Variants in FMNL3 observed in about 807,000 individuals in gnomAD.
FMNL3 encodes formin like 3.
FMNL3 carries 57 observed loss-of-function variants against 119.6 expected under a neutral mutation model. The ratio of observed to expected loss-of-function variants is 0.48; its 90% CI spans 0.39 to 0.59. The LOEUF (loss-of-function observed/expected upper bound fraction) is 0.59. Ranked by LOEUF, FMNL3 falls within the 20% of genes least tolerant of loss-of-function variation. The probability of loss-of-function intolerance (pLI) is 0.00; values close to 1 mark genes in which losing one functional copy is unlikely to be tolerated. For synonymous variants in FMNL3, 491 were observed against 507.3 expected (o/e 0.97, Z 0.43); for missense variants, 1,053 against 1,323.5 (o/e 0.80, Z 3.17).
chr12:49,695,253 C>T (rs1354042959), intron 1 of FMNL3, among the ~76,000 whole-genome samples: 1 of 152,268 alleles, frequency 6.6e-6, no homozygotes, highest in East Asian at 1.9e-4. Flanking sequence ...TCCCCTAACC[C>T]TGAATCCCAG....
Position 49,637,741 on chromosome 12 carries a change from C to T in FMNL3, c.*8074G>A, listed in dbSNP as rs1592602850. ...TCCCTCCCTCCTTACAGGCTCCACC[C>T]CTCTGGACTTATTCAAGTTCTATGT... On this transcript the variant is annotated 3_prime_UTR_variant, in exon 26 of 26. Transcript: ENST00000335154. The T allele has an allele frequency of 2.3e-5, 37 of 1,608,540 alleles. No individual in the cohort carries two copies. In the East Asian group the frequency reaches 8.0e-4, roughly 35 times the overall value.
intron 25 of FMNL3, chr12:49,646,590 G>A: frequency 7.2e-7 from 1 of 1,388,760 alleles, no homozygotes; most frequent in Non-Finnish European, 9.6e-7. Context: ...CTCCCAGCAG[G>A]AATCCTGGGA....
At position 49,707,229 on chromosome 12, in the gene FMNL3, G is replaced by C; in HGVS notation, c.-49C>G. 7.0e-7 allele frequency: 1 copy of C among 1,436,344 alleles called. No individual in the cohort carries two copies. Among genetic ancestry groups the C allele is most frequent in the South Asian group, 1.5e-5 (1 of 68,528 alleles). 89.0% of individuals were successfully genotyped at this position (1,436,344 alleles called of 1,614,324 possible). A position where few individuals can be genotyped will look rare whatever the true frequency, so the allele number is the denominator to read the frequency against. On this transcript the variant is annotated 5_prime_UTR_variant, in exon 1 of 26. Coordinates refer to ENST00000335154, the MANE Select transcript of FMNL3 (RefSeq NM_175736.5). ...CTCGGCCCCCCACCTCCACGCTCCG[G>C]AGCTTTCGGCTCCGCGGCTCCGACC...
chr12:49,665,691 G>T, intron 4 of FMNL3, 141 bp downstream of exon 4: 1 of 827,536 alleles, frequency 1.2e-6, no homozygotes, highest in Non-Finnish European at 2.0e-6. Context: ...GCTCTGGGGA[G>T]CCAGAAGCCA....
chr12:49,699,311 C>T (rs1944839873), intron 1 of FMNL3, among the ~76,000 whole-genome samples: 1 of 152,224 alleles, frequency 6.6e-6, no homozygotes, highest in Admixed American at 6.5e-5. Context: ...CCAGCCTCCC[C>T]AAGCAACCTC....
intron 1 of FMNL3, among the ~76,000 whole-genome samples, chr12:49,697,242 G>A (rs552360099): frequency 6.6e-6 from 1 of 152,324 alleles, no homozygotes; most frequent in South Asian, 2.1e-4. Context: ...CCACAGTACA[G>A]AGGAATCAGG....
At chr12:49,663,171 CCTGT>C (rs1242104203) in intron 4 of FMNL3, among the ~76,000 whole-genome samples, 2 of 152,214 alleles carry the variant, frequency 1.3e-5, no homozygotes, top group African/African-American at 2.4e-5. Context: ...CCTCCCGTTT[CCTGT>C]CTGTCTGCTC....
chr12:49,670,251 G>T (rs369437694), intron 1 of FMNL3, among the ~76,000 whole-genome samples: 198 of 152,344 alleles, frequency 1.3e-3, no homozygotes, highest in South Asian at 0.011. Flanking sequence ...AATCCTAGAA[G>T]GAGGTCCTCT....
intron 1 of FMNL3, among the ~76,000 whole-genome samples, chr12:49,671,785 T>G (rs1311434961): frequency 6.6e-6 from 1 of 152,196 alleles, no homozygotes; most frequent in African/African-American, 2.4e-5. Flanking sequence ...ACAGACACTG[T>G]AGGCTCCCAG....
chr12:49,695,456 A>T (rs982504739), intron 1 of FMNL3, among the ~76,000 whole-genome samples: 1 of 152,238 alleles, frequency 6.6e-6, no homozygotes, highest in Non-Finnish European at 1.5e-5. Context: ...ATTTAAGCTG[A>T]GACCATCCCC....
Position 49,643,619 on chromosome 12 carries a change from G to A in FMNL3, c.*2196C>T. 1 of 1,513,226 alleles carries A rather than the reference G, an allele frequency of 6.6e-7. No individual in the cohort carries two copies. Among genetic ancestry groups the A allele is most frequent in the East Asian group, 2.3e-5 (1 of 44,170 alleles). 93.7% of individuals were successfully genotyped at this position (1,513,226 alleles called of 1,614,324 possible). ...GGTTCCTGCCTGTGAAGAATGAACA[G>A]AGGGGCTAGAACAAAGAAAAAGAGC... On this transcript the variant is annotated 3_prime_UTR_variant, in exon 26 of 26. Coordinates refer to ENST00000335154, the MANE Select transcript of FMNL3 (RefSeq NM_175736.5).
At chr12:49,695,687 T>C (rs926249406) in intron 1 of FMNL3, among the ~76,000 whole-genome samples, 16 of 152,214 alleles carry the variant, frequency 1.1e-4, no homozygotes, top group African/African-American at 3.6e-4. Flanking sequence ...AAGGATGAGA[T>C]GAGGGACTCT....
chr12:49,694,578 A>G (rs1326555413), intron 1 of FMNL3, among the ~76,000 whole-genome samples: 1 of 152,200 alleles, frequency 6.6e-6, no homozygotes, highest in East Asian at 1.9e-4. Context: ...GACCACGGAC[A>G]TAGTCAGTCT....
At chr12:49,653,407 G>T (rs558410376) in intron 12 of FMNL3, 80 bp from the exon 13 acceptor site, 1 of 1,420,394 alleles carries the variant, frequency 7.0e-7, no homozygotes, top group South Asian at 1.1e-5. Context: ...GTCAAGACCT[G>T]AGTCGGACCC....
At chr12:49,680,753 T>C (rs1592680009) in intron 1 of FMNL3, among the ~76,000 whole-genome samples, 1 of 152,220 alleles carries the variant, frequency 6.6e-6, no homozygotes, top group Non-Finnish European at 1.5e-5. Flanking sequence ...ATGAAAAACA[T>C]TACTACTCAT....
chr12:49,642,567 C>T lies in FMNL3; in HGVS notation c.*3248G>A, dbSNP rs761102233. 2 of 1,614,054 alleles carry T rather than the reference C, an allele frequency of 1.2e-6. No individual in the cohort carries two copies. The highest frequency in any genetic ancestry group is 1.1e-5 in the South Asian group (1 of 91,036). Reference sequence around the variant, plus strand: ...GGGGCCTAGTCTGATCAGCAGTGCTCTCCTCGTTCAAGGTCCGTGAGCGTT... The same window carrying T: ...GGGGCCTAGTCTGATCAGCAGTGCTTTCCTCGTTCAAGGTCCGTGAGCGTT... On this transcript the variant is annotated 3_prime_UTR_variant, in exon 26 of 26. Coordinates refer to ENST00000335154, the MANE Select transcript of FMNL3 (RefSeq NM_175736.5). The surrounding 1 kb of genome is among the most constrained non-coding windows in gnomAD (Gnocchi z 5.8).
chr12:49,664,034 A>C (rs1409983227), intron 4 of FMNL3, among the ~76,000 whole-genome samples: 1 of 152,144 alleles, frequency 6.6e-6, no homozygotes, highest in Non-Finnish European at 1.5e-5. Flanking sequence ...AGATCACTTG[A>C]GCCCATGAGT....
Position 49,647,456 on chromosome 12 carries a change from G to C in FMNL3, c.2779-88C>G. On this transcript the variant is annotated intron_variant, in intron 23 of 25. Coordinates refer to ENST00000335154, the MANE Select transcript of FMNL3 (RefSeq NM_175736.5). The surrounding 1 kb of genome is among the most constrained non-coding windows in gnomAD (Gnocchi z 4.9). ...ACACTGAGGTGGAGAGTGGGTGGCA[G>C]TGGGACCCGCTAACTCCAGGTGGCC... 7.0e-7 allele frequency: 1 copy of C among 1,420,310 alleles called. No individual in the cohort carries two copies. Among genetic ancestry groups the C allele is most frequent in the Non-Finnish European group, 9.8e-7 (1 of 1,015,764 alleles). 88.0% of individuals were successfully genotyped at this position (1,420,310 alleles called of 1,614,324 possible).
rs769383964 is a variant in FMNL3, at chr12:49,641,964, A to C, written c.*3851T>G. On this transcript the variant is annotated 3_prime_UTR_variant, in exon 26 of 26. Transcript: ENST00000335154. ...CCTTTGAGGACTTCGCCCACGTCAT[A>C]AGCTTTGACAAGAGGGCTGCCGCAC... 8 of 1,613,826 alleles carry C rather than the reference A, an allele frequency of 5.0e-6. No homozygotes were observed. In the Admixed American group the frequency reaches 1.0e-4, roughly 20 times the overall value.
Sources: allele counts gnomAD v4.1 joint callset (sites outside exome capture counted in the v4.1 genomes callset), GRCh38; gene constraint gnomAD v4.1.1; non-coding constraint Gnocchi (gnomAD v3.1); transcripts MANE v1.5; gene names NCBI Gene and HGNC (gene_info 2026-07-23, HGNC 2026-07-21).